Variants in HORMAD2 observed in about 807,000 individuals in gnomAD.
HORMAD2 encodes the protein HORMA domain containing 2, also known as HORMA domain-containing protein 2.
A neutral mutation model predicts 38.8 loss-of-function variants in HORMAD2; 45 were observed. The ratio of observed to expected loss-of-function variants is 1.16; its 90% CI spans 0.91 to 1.49. The LOEUF is 1.49. Among genes scored for constraint, HORMAD2 ranks in the 40% most tolerant of loss-of-function variants. HORMAD2 has a pLI of 0.00. For synonymous variants in HORMAD2, 126 were observed against 122.8 expected, an observed-to-expected ratio of 1.03 and a Z score of -0.17; for missense variants, 338 against 367.0, an observed-to-expected ratio of 0.92 and a Z score of 0.65.
At chr22:30,093,822 G>T in intron 1 of HORMAD2, 94 bp from the exon 2 acceptor site, 1 of 579,144 alleles carries the variant, frequency 1.7e-6, no homozygotes, top group Non-Finnish European at 3.0e-6. Flanking sequence ...TTTTTTGTTT[G>T]CTTTTAGACT....
chr22:30,141,743 T>G (rs1924088346), intron 10 of HORMAD2, among the ~76,000 whole-genome samples: 2 of 151,836 alleles, frequency 1.3e-5, no homozygotes, highest in Non-Finnish European at 2.9e-5. Context: ...TACAGGCATG[T>G]GCCACCACCC....
At chr22:30,088,018 T>C (rs925809433) in intron 1 of HORMAD2, among the ~76,000 whole-genome samples, 1 of 113,730 alleles carries the variant, frequency 8.8e-6, no homozygotes, top group African/African-American at 4.7e-5. Flanking sequence ...CATATATACA[T>C]ATACAGATCT....
At chr22:30,186,529 A>G in the HORMAD2 span, among the ~76,000 whole-genome samples, 1 of 152,110 alleles carries the variant, frequency 6.6e-6, no homozygotes, top group Non-Finnish European at 1.5e-5. Context: ...GAGTTTTTTT[A>G]AACTGTGGGT....
At chr22:30,111,773 GTT>G (rs750627137) in intron 5 of HORMAD2, 21 bp from the exon 6 acceptor site, 8 of 1,483,174 alleles carry the variant, frequency 5.4e-6, no homozygotes, top group Admixed American at 2.1e-5. Flanking sequence ...AATAATAATA[GTT>G]TTTTTTTCTT....
At chr22:30,111,952 G>A in intron 6 of HORMAD2, 136 bp downstream of exon 6, 1 of 589,838 alleles carries the variant, frequency 1.7e-6, no homozygotes, top group Non-Finnish European at 2.9e-6. Context: ...TAAAAACATA[G>A]GATCTATCAG....
chr22:30,167,354 G>A (rs9614152), intron 10 of HORMAD2, among the ~76,000 whole-genome samples: 23,387 of 152,140 alleles, frequency 0.15, 1,893 homozygotes, highest in South Asian at 0.26. Flanking sequence ...CACATTCACA[G>A]GCTGCAGAAT....
At chr22:30,193,987 C>G in the HORMAD2 span, among the ~76,000 whole-genome samples, 7 of 152,282 alleles carry the variant, frequency 4.6e-5, no homozygotes, top group African/African-American at 1.7e-4. Flanking sequence ...GATCCCCAGT[C>G]AGAAGGGGCC....
chr22:30,112,124 T>C (rs1921708655), intron 6 of HORMAD2, among the ~76,000 whole-genome samples: 1 of 152,158 alleles, frequency 6.6e-6, no homozygotes, highest in Non-Finnish European at 1.5e-5. Flanking sequence ...TAGACTCTTT[T>C]GAAATTTTGT....
At chr22:30,147,373 G>GT (rs1030745901) in intron 10 of HORMAD2, among the ~76,000 whole-genome samples, 21 of 150,892 alleles carry the variant, frequency 1.4e-4, no homozygotes, top group South Asian at 4.2e-4. Flanking sequence ...AAAAGGTGGG[G>GT]TTTTTTTTTA....
At chr22:30,167,482 C>T (rs1259955330) in intron 10 of HORMAD2, among the ~76,000 whole-genome samples, 1 of 152,156 alleles carries the variant, frequency 6.6e-6, no homozygotes, top group Non-Finnish European at 1.5e-5. Context: ...CACTGAATGA[C>T]TTGCACATGT....
chr22:30,198,959 G>A, the HORMAD2 span, among the ~76,000 whole-genome samples: 1 of 152,184 alleles, frequency 6.6e-6, no homozygotes, highest in Non-Finnish European at 1.5e-5. Context: ...CAAGGCTGGT[G>A]CAAATCCATC....
At chr22:30,091,262 CTTTCTTT>C (rs1212700638) in intron 1 of HORMAD2, among the ~76,000 whole-genome samples, 7 of 116,628 alleles carry the variant, frequency 6.0e-5, no homozygotes, top group African/African-American at 3.1e-4. Context: ...TTCTCTCTTT[CTTTCTTT>C]TTTTTTTTTT....
intron 10 of HORMAD2, among the ~76,000 whole-genome samples, chr22:30,127,597 C>G (rs1264289457): frequency 6.6e-6 from 1 of 152,306 alleles, no homozygotes; most frequent in Admixed American, 6.5e-5. Flanking sequence ...CTGGCCTTGG[C>G]CTCCTCAAGT....
chr22:30,122,749 A>G (rs1457988805), intron 10 of HORMAD2, among the ~76,000 whole-genome samples: 1 of 152,186 alleles, frequency 6.6e-6, no homozygotes, highest in Admixed American at 6.6e-5. Flanking sequence ...TAGTGGAGCC[A>G]AACAGTCAGG....
At position 30,110,351 on chromosome 22, in the gene HORMAD2, C is replaced by G. The variant is rs563323840; in HGVS notation, c.295-1445C>G. ...ATCTAGGAAATTCCCCTTTATAATG[C>G]AAAAAAATTGCTATCGAATTGTGAG... On this transcript the variant is annotated intron_variant, in intron 5 of 10. Transcript: ENST00000336726. Among the ~76,000 whole-genome samples the G allele has an allele frequency of 3.5e-3, 512 of 145,726 alleles. 2 individuals carry two copies. Among genetic ancestry groups the G allele is most frequent in the African/African-American group, 0.012 (497 of 39,764 alleles).
At position 30,130,573 on chromosome 22, in the gene HORMAD2, A is replaced by ATTCTT. The variant is rs1312192081; in HGVS notation, c.819+8372_819+8376dup. Among the ~76,000 whole-genome samples the ATTCTT allele has an allele frequency of 8.3e-4, 115 of 138,564 alleles. 2 individuals carry two copies. The highest frequency in any genetic ancestry group is 3.8e-3 in the Middle Eastern group (1 of 266). 90.9% of individuals were successfully genotyped at this position (138,564 alleles called of 152,430 possible). ...CCACACACTTTCAGGACAGGTCTTCATTCTTTTCTTTTCTTTTTTTTTTTT... is the reference window on the plus strand; with the variant it reads ...CCACACACTTTCAGGACAGGTCTTCATTCTTTTCTTTTCTTTTCTTTTTTTTTTTT... On this transcript the variant is annotated intron_variant, in intron 10 of 10. Transcript: ENST00000336726.
chr22:30,137,144 A>G (rs1282226445), intron 10 of HORMAD2: 2 of 455,400 alleles, frequency 4.4e-6, no homozygotes, highest in African/African-American at 4.0e-5. Context: ...ACATTTTGTC[A>G]CAGATAAGAT....
At chr22:30,121,113 ATAGT>A (rs1363240930) in intron 8 of HORMAD2, among the ~76,000 whole-genome samples, 4 of 152,338 alleles carry the variant, frequency 2.6e-5, no homozygotes, top group Non-Finnish European at 4.4e-5. Flanking sequence ...AGCAGGAAAA[ATAGT>A]TAGATAGCCA....
chr22:30,089,275 C>G (rs1319138552), intron 1 of HORMAD2, among the ~76,000 whole-genome samples: 1 of 151,790 alleles, frequency 6.6e-6, no homozygotes, highest in Non-Finnish European at 1.5e-5. Context: ...TTGGTCAGAA[C>G]TTCATAAAAC....
Sources: gnomAD v4.1 joint callset for allele counts (sites outside exome capture counted in the v4.1 genomes callset) on GRCh38, gnomAD v4.1.1 for gene constraint, MANE v1.5 for transcripts, NCBI Gene and HGNC (gene_info 2026-07-23, HGNC 2026-07-21) for gene names.